The following LRP1B variants were observed in gnomAD, a reference collection of about 807,000 sequenced individuals.
LRP1B encodes the protein LDL receptor related protein 1B, also known as low-density lipoprotein receptor-related protein 1B.
Under a neutral mutation model 556.6 loss-of-function variants are expected in LRP1B, and 217 were observed. The observed-to-expected ratio is 0.39, with a 90% CI of 0.35 to 0.44. The LOEUF (loss-of-function observed/expected upper bound fraction) is 0.44, where lower values mean the gene tolerates loss of function less well. Ranked by LOEUF, LRP1B falls within the 20% of genes least tolerant of loss-of-function variation. The pLI is 1.00. For missense variants in LRP1B, 5,053 were observed against 5,620.8 expected (o/e 0.90, Z 3.23); for synonymous variants, 2,047 against 1,865.8 (o/e 1.10, Z -2.50).
At chr2:142,044,554 A>C (rs1248813480) in intron 1 of LRP1B, among the ~76,000 whole-genome samples, 1 of 151,712 alleles carries the variant, frequency 6.6e-6, no homozygotes, top group Non-Finnish European at 1.5e-5. Flanking sequence ...ATAAACACAT[A>C]CCTGCTGGCA....
intron 27 of LRP1B, among the ~76,000 whole-genome samples, chr2:140,855,425 G>A (rs1455795079): frequency 7.1e-6 from 1 of 140,924 alleles, no homozygotes; most frequent in Non-Finnish European, 1.5e-5. Flanking sequence ...GGCTGAAGTG[G>A]GAGGATTGCT....
intron 1 of LRP1B, among the ~76,000 whole-genome samples, chr2:141,929,660 T>C (rs1274997459): frequency 6.6e-6 from 1 of 151,962 alleles, no homozygotes; most frequent in Non-Finnish European, 1.5e-5. Context: ...GGAAGTAAAA[T>C]GCTATAAACT....
At chr2:141,763,915 A>G (rs1489416217) in intron 2 of LRP1B, among the ~76,000 whole-genome samples, 2 of 152,136 alleles carry the variant, frequency 1.3e-5, no homozygotes, top group African/African-American at 2.4e-5. Flanking sequence ...TATATCAACA[A>G]TGGTAACCTC....
At chr2:140,334,914 T>G (rs1382075100) in intron 78 of LRP1B, among the ~76,000 whole-genome samples, 1 of 152,046 alleles carries the variant, frequency 6.6e-6, no homozygotes, top group Non-Finnish European at 1.5e-5. Context: ...ATAGTCATTT[T>G]ATTATGGATG....
At chr2:141,509,319 C>G (rs4954915) in intron 2 of LRP1B, among the ~76,000 whole-genome samples, 116,966 of 152,028 alleles carry the variant, frequency 0.77, 45,395 homozygotes, top group East Asian at 0.91. Flanking sequence ...GGCTAGAGAA[C>G]TGTCAAGGAT....
At chr2:141,391,631 G>A (rs1265411888) in intron 3 of LRP1B, among the ~76,000 whole-genome samples, 4 of 152,128 alleles carry the variant, frequency 2.6e-5, no homozygotes, top group Non-Finnish European at 5.9e-5. Flanking sequence ...AATATGAGAT[G>A]ATCAGATTTG....
chr2:141,320,944 ACT>A (rs773656253), intron 3 of LRP1B, among the ~76,000 whole-genome samples: 2 of 152,048 alleles, frequency 1.3e-5, no homozygotes, highest in Non-Finnish European at 1.5e-5. Flanking sequence ...GTTTAAGAAT[ACT>A]CTGTCTAAAG....
chr2:141,745,593 G>A (rs573749267), intron 2 of LRP1B, among the ~76,000 whole-genome samples: 2 of 152,110 alleles, frequency 1.3e-5, no homozygotes, highest in South Asian at 2.1e-4. Flanking sequence ...CTTCCTTCTG[G>A]CCCAGGGCAA....
chr2:141,919,758 C>T (rs1044227208), intron 1 of LRP1B, among the ~76,000 whole-genome samples: 1 of 151,940 alleles, frequency 6.6e-6, no homozygotes, highest in Admixed American at 6.6e-5. Flanking sequence ...TAGAACAATA[C>T]GTAACATTTG....
intron 6 of LRP1B, among the ~76,000 whole-genome samples, chr2:141,223,562 C>T (rs932441163): frequency 6.6e-6 from 1 of 152,080 alleles, no homozygotes; most frequent in Non-Finnish European, 1.5e-5. Context: ...CAAAAAAGAG[C>T]CTGTATAACT....
At chr2:141,817,318 C>G (rs1264078753) in intron 1 of LRP1B, among the ~76,000 whole-genome samples, 1 of 152,004 alleles carries the variant, frequency 6.6e-6, no homozygotes, top group East Asian at 1.9e-4. Flanking sequence ...AAAGCTAGTA[C>G]CATGTATATC....
At chr2:141,649,735 A>T (rs1483240934) in intron 2 of LRP1B, among the ~76,000 whole-genome samples, 1 of 152,222 alleles carries the variant, frequency 6.6e-6, no homozygotes, top group East Asian at 1.9e-4. Context: ...CTTTACTTTT[A>T]AAAATGATAC....
intron 18 of LRP1B, among the ~76,000 whole-genome samples, chr2:140,968,468 A>G (rs1398486553): frequency 3.4e-5 from 5 of 148,166 alleles, no homozygotes; most frequent in African/African-American, 1.2e-4. Flanking sequence ...TGATCTTTTT[A>G]AAAAAACAAC....
chr2:141,482,905 A>G (rs192831718), intron 2 of LRP1B, among the ~76,000 whole-genome samples: 2 of 152,268 alleles, frequency 1.3e-5, no homozygotes, highest in Admixed American at 6.5e-5. Context: ...AAAACAAAAA[A>G]ATGACTCAGC....
intron 1 of LRP1B, among the ~76,000 whole-genome samples, chr2:141,900,383 A>G (rs1230037721): frequency 6.6e-6 from 1 of 152,140 alleles, no homozygotes; most frequent in East Asian, 1.9e-4. Context: ...CTAGCTGGTT[A>G]TACCTATGTA....
chr2:140,876,692 G>T (rs1279564559), intron 25 of LRP1B, among the ~76,000 whole-genome samples: 1 of 152,084 alleles, frequency 6.6e-6, no homozygotes, highest in African/African-American at 2.4e-5. Flanking sequence ...CCAACTCATA[G>T]GTATTTGATA....
At chr2:141,160,570 T>C (rs7576380) in intron 7 of LRP1B, among the ~76,000 whole-genome samples, 4,040 of 151,626 alleles carry the variant, frequency 0.027, 176 homozygotes, top group African/African-American at 0.093. Context: ...TACTCAGCAA[T>C]AAAAAGGAAT....
intron 32 of LRP1B, among the ~76,000 whole-genome samples, chr2:140,786,811 G>A (rs966914002): frequency 6.6e-6 from 1 of 152,174 alleles, no homozygotes; most frequent in East Asian, 1.9e-4. Flanking sequence ...AGAAGAACTG[G>A]AGAATGGCAG....
chr2:140,721,944 G>A (rs903783992), intron 35 of LRP1B, among the ~76,000 whole-genome samples: 1 of 151,632 alleles, frequency 6.6e-6, no homozygotes, highest in Non-Finnish European at 1.5e-5. Context: ...TTTACATATG[G>A]AACACAACCA....
Sources: gnomAD v4.1 joint callset for allele counts (sites outside exome capture counted in the v4.1 genomes callset) on GRCh38, gnomAD v4.1.1 for gene constraint, MANE v1.5 for transcripts, NCBI Gene and HGNC (gene_info 2026-07-23, HGNC 2026-07-21) for gene names.